FA2H: variants seen among roughly 807,000 people sequenced by gnomAD.
FA2H encodes the protein fatty acid 2-hydroxylase, also known as fatty acid alpha-hydroxylase.
Under a neutral mutation model 44.9 loss-of-function variants are expected in FA2H, and 22 were observed. The observed-to-expected ratio is 0.49, with a 90% CI of 0.35 to 0.70. The LOEUF (loss-of-function observed/expected upper bound fraction) is 0.70, where lower values mean the gene tolerates loss of function less well. FA2H is among the 30% of genes least tolerant of loss of function. The pLI is 0.01. For synonymous variants in FA2H, 243 were observed against 213.2 expected (o/e 1.14, Z -1.22); for missense variants, 501 against 504.9 (o/e 0.99, Z 0.07).
At position 74,746,375 on chromosome 16, in the gene FA2H, A is replaced by AT. The variant is rs1222914236; in HGVS notation, c.271-6261dup. Among the ~76,000 whole-genome samples, 78 of 85,058 alleles carry AT rather than the reference A, an allele frequency of 9.2e-4. 3 individuals are homozygous for AT. The highest frequency in any genetic ancestry group is 8.6e-3 in the South Asian group (23 of 2,666). 55.8% of individuals were successfully genotyped at this position (85,058 alleles called of 152,430 possible). A position where few individuals can be genotyped will look rare whatever the true frequency, so the allele number is the denominator to read the frequency against. ...CCTGGGCTCAATTATTATTATTATTATTATTTTTTTTTTGGTAGAAAAGGG... is the reference window on the plus strand; with the variant it reads ...CCTGGGCTCAATTATTATTATTATTATTTATTTTTTTTTTGGTAGAAAAGGG... On this transcript the variant is annotated intron_variant, in intron 1 of 6. Transcript: ENST00000219368.
chr16:74,724,603 C>A (rs551841179), intron 4 of FA2H, among the ~76,000 whole-genome samples: 1 of 152,194 alleles, frequency 6.6e-6, no homozygotes, highest in African/African-American at 2.4e-5. Flanking sequence ...ATTTTCTCTG[C>A]CTGTGGCTTG....
chr16:74,717,193 C>G (rs777447527), intron 5 of FA2H: 1 of 152,598 alleles, frequency 6.6e-6, no homozygotes, highest in African/African-American at 2.4e-5. Context: ...TTCACCGTGG[C>G]CCTCGAGCTT....
intron 1 of FA2H, among the ~76,000 whole-genome samples, chr16:74,745,219 C>T (rs150903462): frequency 1.2e-4 from 18 of 152,322 alleles, no homozygotes; most frequent in Non-Finnish European, 1.9e-4. Context: ...GCACCTGGCT[C>T]TCCTGATACC....
intron 1 of FA2H, among the ~76,000 whole-genome samples, chr16:74,765,579 T>A (rs993379321): frequency 6.6e-6 from 1 of 152,212 alleles, no homozygotes; most frequent in Admixed American, 6.5e-5. Context: ...ATTCATTCAT[T>A]TTTTTGAGAC....
chr16:74,727,747 G>T (rs1180329441), intron 2 of FA2H, among the ~76,000 whole-genome samples: 8 of 152,220 alleles, frequency 5.3e-5, no homozygotes, highest in Non-Finnish European at 1.0e-4. Flanking sequence ...TAGAGAGACA[G>T]AATCTCAGTG....
At chr16:74,753,957 A>G (rs528496479) in intron 1 of FA2H, among the ~76,000 whole-genome samples, 1 of 152,320 alleles carries the variant, frequency 6.6e-6, no homozygotes, top group East Asian at 1.9e-4. Flanking sequence ...TTTTCACTCA[A>G]GTGAAGCATC....
chr16:74,719,284 C>A, intron 4 of FA2H, 124 bp from the exon 5 acceptor site: 1 of 782,948 alleles, frequency 1.3e-6, no homozygotes, highest in Non-Finnish European at 2.1e-6. Context: ...AGCTACAGGG[C>A]CAGGCCATAC....
At chr16:74,770,479 A>C (rs947073702) in intron 1 of FA2H, among the ~76,000 whole-genome samples, 3 of 152,180 alleles carry the variant, frequency 2.0e-5, no homozygotes, top group African/African-American at 7.2e-5. Context: ...CCTGGGCTCC[A>C]GTGATCCTCT....
intron 2 of FA2H, among the ~76,000 whole-genome samples, chr16:74,732,815 C>T (rs148019861): frequency 6.6e-6 from 1 of 152,306 alleles, no homozygotes; most frequent in East Asian, 1.9e-4. Context: ...GCAGGGACTT[C>T]AGCCTAGATC....
In FA2H at chr16:74,753,401, G is replaced by A. The variant is rs754825060; in HGVS notation, c.271-13286C>T. Among the ~76,000 whole-genome samples, 16 of 152,240 alleles carry A rather than the reference G, an allele frequency of 1.1e-4. No homozygotes were observed. The South Asian group carries it at 2.1e-3, about 20-fold the overall frequency. ...GATGTGGCTTCTTTAATAACCCCACGAACAGCAGGGCGAGGTGGCTCATGC... is the reference window on the plus strand; with the variant it reads ...GATGTGGCTTCTTTAATAACCCCACAAACAGCAGGGCGAGGTGGCTCATGC... On this transcript the variant is annotated intron_variant, in intron 1 of 6. Coordinates refer to ENST00000219368, the MANE Select transcript of FA2H (RefSeq NM_024306.5).
intron 1 of FA2H, among the ~76,000 whole-genome samples, chr16:74,759,771 A>C (rs2144656960): frequency 6.6e-6 from 1 of 152,286 alleles, no homozygotes; most frequent in South Asian, 2.1e-4. Flanking sequence ...CAGTGCAGCC[A>C]GGGCCTCGCC....
Position 74,714,155 on chromosome 16 carries a change from C to T in FA2H, c.*35G>A. The T allele has an allele frequency of 7.0e-7, 1 of 1,425,078 alleles. No homozygotes were observed. The highest frequency in any genetic ancestry group is 1.2e-5 in the South Asian group (1 of 81,440). The allele number at this position is 1,425,078 out of a possible 1,614,324, so 88.3% of individuals were successfully genotyped here. A position where few individuals can be genotyped will look rare whatever the true frequency, so the allele number is the denominator to read the frequency against. On this transcript the variant is annotated 3_prime_UTR_variant, in exon 7 of 7. Transcript: ENST00000219368. ...GGTGGGGGTCGGGAAGGGGCCAGGG[C>T]CGGGCTGAGGGCAGGACGGAGGGGG...
chr16:74,750,958 T>A (rs1444388652), intron 1 of FA2H, among the ~76,000 whole-genome samples: 1 of 151,558 alleles, frequency 6.6e-6, no homozygotes, highest in Non-Finnish European at 1.5e-5. Flanking sequence ...ATCTGTTTAT[T>A]TTTTTTTAGA....
intron 1 of FA2H, among the ~76,000 whole-genome samples, chr16:74,758,849 C>A (rs1200866345): frequency 6.6e-6 from 1 of 152,206 alleles, no homozygotes; most frequent in Non-Finnish European, 1.5e-5. Flanking sequence ...CCTTCCCAGC[C>A]CTTTCAGCAG....
At chr16:74,735,543 G>A (rs1962163850) in intron 2 of FA2H, among the ~76,000 whole-genome samples, 1 of 152,228 alleles carries the variant, frequency 6.6e-6, no homozygotes, top group South Asian at 2.1e-4. Context: ...CTTGAGCGCT[G>A]GCAGAAAGCA....
intron 1 of FA2H, among the ~76,000 whole-genome samples, chr16:74,742,715 G>C (rs1380844460): frequency 6.6e-6 from 1 of 152,106 alleles, no homozygotes; most frequent in Admixed American, 6.6e-5. Context: ...GTGTGCGCTT[G>C]CAGTCCTAGC....
At chr16:74,763,767 T>C (rs749773093) in intron 1 of FA2H, among the ~76,000 whole-genome samples, 23 of 152,256 alleles carry the variant, frequency 1.5e-4, no homozygotes, top group Non-Finnish European at 2.8e-4. Context: ...AGCAAGTTTA[T>C]TGCAGGTTGC....
chr16:74,755,720 C>T (rs1043816794), intron 1 of FA2H, among the ~76,000 whole-genome samples: 5 of 152,162 alleles, frequency 3.3e-5, no homozygotes, highest in African/African-American at 1.2e-4. Flanking sequence ...TCACCATTCA[C>T]ATTCTACTTT....
Position 74,716,589 on chromosome 16 carries a change from T to A in FA2H, c.797A>T (p.Asp266Val), listed in dbSNP as rs1248024726. The A allele has an allele frequency of 6.4e-7, 1 of 1,563,988 alleles. No homozygotes were observed. Among genetic ancestry groups the A allele is most frequent in the Non-Finnish European group, 8.7e-7 (1 of 1,155,714 alleles). ...AGGGGGGAAGACCAGGCGGGAGCCGTCGAAGGGTGCCTGCAGATGGAGAGG... is the reference window on the plus strand; with the variant it reads ...AGGGGGGAAGACCAGGCGGGAGCCGACGAAGGGTGCCTGCAGATGGAGAGG... The part of the protein sequence containing the change: ...MHGQHHKAPF[D>V]GSRLVFPPVP... The change falls in exon 6 of 7, where the codon GAC becomes GTC. Residue 266 changes from aspartate (D) to valine (V), a missense_variant. Coordinates refer to ENST00000219368, the MANE Select transcript of FA2H (RefSeq NM_024306.5).
Sources: allele counts gnomAD v4.1 joint callset (sites outside exome capture counted in the v4.1 genomes callset), GRCh38; gene constraint gnomAD v4.1.1; transcripts MANE v1.5; gene names NCBI Gene and HGNC (gene_info 2026-07-23, HGNC 2026-07-21).